Variants in HS6ST3 observed in about 807,000 individuals in gnomAD.
HS6ST3 encodes the protein heparan sulfate 6-O-sulfotransferase 3.
HS6ST3 carries 12 observed loss-of-function variants against 36.7 expected under a neutral mutation model. The observed-to-expected ratio is 0.33, with a 90% CI of 0.21 to 0.53. The LOEUF (loss-of-function observed/expected upper bound fraction) is 0.53, where lower values mean the gene tolerates loss of function less well. Among genes scored for constraint, HS6ST3 ranks in the 20% least tolerant of loss-of-function variants. HS6ST3 has a pLI of 0.95. For synonymous variants in HS6ST3, 240 were observed against 257.5 expected (o/e 0.93, Z 0.65); for missense variants, 584 against 640.9 (o/e 0.91, Z 0.96).
chr13:96,310,717 G>A (rs1307244028), intron 1 of HS6ST3, among the ~76,000 whole-genome samples: 6 of 140,640 alleles, frequency 4.3e-5, no homozygotes, highest in Admixed American at 3.8e-4. Flanking sequence ...TGTGGCACAC[G>A]TAAAAACGTA....
At chr13:96,459,282 T>C (rs961035175) in intron 1 of HS6ST3, among the ~76,000 whole-genome samples, 1 of 151,956 alleles carries the variant, frequency 6.6e-6, no homozygotes, top group African/African-American at 2.4e-5. Flanking sequence ...AATAAATACA[T>C]GTCTATAGAA....
intron 1 of HS6ST3, among the ~76,000 whole-genome samples, chr13:96,143,846 T>C (rs920597173): frequency 6.6e-6 from 1 of 152,144 alleles, no homozygotes; most frequent in Non-Finnish European, 1.5e-5. Context: ...GGTTGGATGA[T>C]AGAGGGGGAG....
At chr13:96,361,473 T>A (rs1240255443) in intron 1 of HS6ST3, among the ~76,000 whole-genome samples, 1 of 152,198 alleles carries the variant, frequency 6.6e-6, no homozygotes, top group Non-Finnish European at 1.5e-5. Context: ...ATGTCTCAGT[T>A]TGTATCCTAA....
chr13:96,159,056 T>C (rs2054124047), intron 1 of HS6ST3, among the ~76,000 whole-genome samples: 1 of 152,144 alleles, frequency 6.6e-6, no homozygotes, highest in Admixed American at 6.5e-5. Context: ...CCCCTGAATA[T>C]GTTTGTGTGC....
At chr13:96,323,089 C>T (rs2139416008) in intron 1 of HS6ST3, among the ~76,000 whole-genome samples, 1 of 152,262 alleles carries the variant, frequency 6.6e-6, no homozygotes, top group Middle Eastern at 3.4e-3. Flanking sequence ...CTCAGGACTC[C>T]AAATACTACC....
In HS6ST3 at chr13:96,100,182, A is replaced by C. The variant is rs2053811160; in HGVS notation, c.707+8613A>C. Among the ~76,000 whole-genome samples the C allele has an allele frequency of 5.9e-5, 9 of 152,284 alleles. No homozygotes were observed. In the South Asian group the frequency reaches 1.9e-3, roughly 32 times the overall value. Reference sequence around the variant, plus strand: ...GAAGACAGAAATTTATCTGGTATGCAATGGTTTGTCTCAATGCTGCAGTTA... The same window carrying C: ...GAAGACAGAAATTTATCTGGTATGCCATGGTTTGTCTCAATGCTGCAGTTA... On this transcript the variant is annotated intron_variant, in intron 1 of 1. Coordinates refer to ENST00000376705, the MANE Select transcript of HS6ST3 (RefSeq NM_153456.4).
intron 1 of HS6ST3, among the ~76,000 whole-genome samples, chr13:96,541,169 A>G (rs1198344092): frequency 6.6e-6 from 1 of 152,082 alleles, no homozygotes; most frequent in Admixed American, 6.6e-5. Context: ...AGTAGCTGGG[A>G]TCACAGGTGC....
chr13:96,093,697 A>G (rs1472248968), intron 1 of HS6ST3, among the ~76,000 whole-genome samples: 1 of 151,808 alleles, frequency 6.6e-6, no homozygotes, highest in East Asian at 1.9e-4. Context: ...TAGATACTGT[A>G]GGAGGGAATA....
chr13:96,810,059 G>A (rs138542728), intron 1 of HS6ST3, among the ~76,000 whole-genome samples: 1 of 152,266 alleles, frequency 6.6e-6, no homozygotes, highest in East Asian at 1.9e-4. Context: ...ATTAAGGGCT[G>A]AAACAGCATC....
chr13:96,664,142 A>C (rs79062021), intron 1 of HS6ST3, among the ~76,000 whole-genome samples: 9,645 of 152,266 alleles, frequency 0.063, 431 homozygotes, highest in East Asian at 0.19. Flanking sequence ...AAAATTATAC[A>C]TTAATCAAGT....
intron 1 of HS6ST3, among the ~76,000 whole-genome samples, chr13:96,683,714 T>C (rs1017280711): frequency 2.0e-5 from 3 of 152,084 alleles, no homozygotes; most frequent in Non-Finnish European, 2.9e-5. Flanking sequence ...CTTGCATTTT[T>C]CTGCAGGAGG....
intron 1 of HS6ST3, among the ~76,000 whole-genome samples, chr13:96,413,459 A>G (rs1452866726): frequency 1.3e-5 from 2 of 152,228 alleles, no homozygotes; most frequent in Non-Finnish European, 2.9e-5. Flanking sequence ...AATTGGGGGT[A>G]GAAGAAATAG....
At chr13:96,654,618 A>G (rs1252426132) in intron 1 of HS6ST3, among the ~76,000 whole-genome samples, 1 of 152,154 alleles carries the variant, frequency 6.6e-6, no homozygotes, top group Non-Finnish European at 1.5e-5. Context: ...GCAGCCTTGT[A>G]GTACAGTTTG....
intron 1 of HS6ST3, among the ~76,000 whole-genome samples, chr13:96,596,647 T>C (rs2056402586): frequency 1.3e-5 from 2 of 152,088 alleles, no homozygotes; most frequent in Admixed American, 1.3e-4. Flanking sequence ...TTTTTAATAA[T>C]GGCCATTATG....
intron 1 of HS6ST3, among the ~76,000 whole-genome samples, chr13:96,583,716 A>G (rs1279958522): frequency 5.3e-5 from 8 of 152,014 alleles, no homozygotes. Context: ...CTTTGCTTAG[A>G]ATGCTGTTTC....
At position 96,552,037 on chromosome 13, in the gene HS6ST3, A is replaced by G. The variant is rs988200392; in HGVS notation, c.708-280453A>G. Among the ~76,000 whole-genome samples, 3 of 152,122 alleles carry G rather than the reference A, an allele frequency of 2.0e-5. No homozygotes were observed. The East Asian group carries it at 5.8e-4, about 29-fold the overall frequency. On this transcript the variant is annotated intron_variant, in intron 1 of 1. Coordinates refer to ENST00000376705, the MANE Select transcript of HS6ST3 (RefSeq NM_153456.4). ...AGGAATACAGAATAAGTCAGCTGTT[A>G]TTTTTTTAAAAGTTAGAGCAATCTT...
intron 1 of HS6ST3, among the ~76,000 whole-genome samples, chr13:96,359,942 T>A (rs144686103): frequency 9.1e-4 from 139 of 152,206 alleles, no homozygotes; most frequent in African/African-American, 3.1e-3. Flanking sequence ...GGAACAAGGA[T>A]ACACTCCAGC....
chr13:96,352,936 C>T (rs1233395127), intron 1 of HS6ST3, among the ~76,000 whole-genome samples: 1 of 151,984 alleles, frequency 6.6e-6, no homozygotes, highest in Non-Finnish European at 1.5e-5. Flanking sequence ...CTCCAAGGTC[C>T]CACATTAAGT....
chr13:96,550,876 C>T (rs1321103331), intron 1 of HS6ST3, among the ~76,000 whole-genome samples: 1 of 152,096 alleles, frequency 6.6e-6, no homozygotes, highest in Admixed American at 6.6e-5. Flanking sequence ...GTCAGGTCAT[C>T]TCCCAGGGAG....
Sources: gnomAD v4.1 joint callset for allele counts (sites outside exome capture counted in the v4.1 genomes callset) on GRCh38, gnomAD v4.1.1 for gene constraint, MANE v1.5 for transcripts, NCBI Gene and HGNC (gene_info 2026-07-23, HGNC 2026-07-21) for gene names.